Variants in PDIA6 observed in about 807,000 individuals in gnomAD.
PDIA6 encodes protein disulfide isomerase family A member 6.
PDIA6 carries 29 observed loss-of-function variants against 58.4 expected under a neutral mutation model. That is an observed-to-expected ratio of 0.50 (90% CI 0.37 to 0.68). The LOEUF is 0.68. Among genes scored for constraint, PDIA6 ranks in the 30% least tolerant of loss-of-function variants. The pLI, the probability that PDIA6 is intolerant of heterozygous loss-of-function variation, is 0.00. For missense variants in PDIA6, 480 were observed against 551.0 expected, an observed-to-expected ratio of 0.87 and a Z score of 1.29; for synonymous variants, 192 against 202.6, an observed-to-expected ratio of 0.95 and a Z score of 0.44.
chr2:10,830,708 A>AGACT (rs1667685914), intron 1 of PDIA6, among the ~76,000 whole-genome samples: 1 of 152,246 alleles, frequency 6.6e-6, no homozygotes, highest in African/African-American at 2.4e-5. Flanking sequence ...ATGTGGCCTC[A>AGACT]GACTTAGAGC....
intron 4 of PDIA6, among the ~76,000 whole-genome samples, chr2:10,794,879 A>C (rs1377186133): frequency 6.6e-6 from 1 of 152,186 alleles, no homozygotes; most frequent in East Asian, 1.9e-4. Flanking sequence ...GTGAGCCGAG[A>C]TAGCACCACT....
chr2:10,809,553 C>T (rs1487731367), intron 1 of PDIA6, among the ~76,000 whole-genome samples: 2 of 139,208 alleles, frequency 1.4e-5, no homozygotes, highest in Admixed American at 7.9e-5. Flanking sequence ...AAAATTAGCT[C>T]GGTATGGTAG....
At chr2:10,837,260 G>A (rs902713674), upstream of PDIA6, among the ~76,000 whole-genome samples, 5 of 152,206 alleles carry the variant, frequency 3.3e-5, no homozygotes, top group African/African-American at 1.2e-4. Context: ...AGCCCAGCAG[G>A]GAGGGGCTGA....
Position 10,820,938 on chromosome 2 carries a change from A to G in PDIA6, c.-47-1584T>C, listed in dbSNP as rs144245477. The stretch of plus-strand genomic sequence containing the variant: ...AGCGTCCTAAGAGTCAGGAAGAGGA[A>G]GCTGCCACTTCAGGACCTGGGTTTG... On this transcript the variant is annotated intron_variant, in intron 1 of 13. Transcript: ENST00000381611. The G allele has an allele frequency of 9.0e-4, 623 of 690,484 alleles. 4 individuals are homozygous for G. The African/African-American group carries it at 0.01, about 11-fold the overall frequency. The allele number at this position is 690,484 out of a possible 1,614,324, so 42.8% of individuals were successfully genotyped here.
At chr2:10,797,348 C>A in intron 3 of PDIA6, 141 bp from the exon 4 acceptor site, 1 of 729,952 alleles carries the variant, frequency 1.4e-6, no homozygotes, top group East Asian at 2.7e-5. Flanking sequence ...AGGGCTTTAG[C>A]CTTGAACACC....
chr2:10,831,870 C>A (rs913356280), intron 1 of PDIA6, among the ~76,000 whole-genome samples: 1 of 151,946 alleles, frequency 6.6e-6, no homozygotes, highest in Non-Finnish European at 1.5e-5. Context: ...TGAATGTCCT[C>A]TCCTTCCTCT....
At chr2:10,815,085 GGGAAATGCACAGGCTTCT>G (rs147530276), upstream of PDIA6, among the ~76,000 whole-genome samples, 71,265 of 147,992 alleles carry the variant, frequency 0.48, 19,129 homozygotes, top group East Asian at 0.78. Flanking sequence ...CACAGGCTTC[GGGAAATGCACAGGCTTCT>G]GGAAATGCAC....
intron 1 of PDIA6, among the ~76,000 whole-genome samples, chr2:10,827,629 G>T (rs1411233669): frequency 1.3e-5 from 2 of 151,844 alleles, no homozygotes; most frequent in Admixed American, 1.3e-4. Context: ...TTCAAGACCA[G>T]CCTGGCCAAC....
chr2:10,835,767 G>A (rs188402238), upstream of PDIA6, among the ~76,000 whole-genome samples: 344 of 152,240 alleles, frequency 2.3e-3, 3 homozygotes, highest in African/African-American at 7.9e-3. Flanking sequence ...TACTTAGAGA[G>A]GGGGCCGGGC....
At chr2:10,789,635 C>T (rs1357346824) in intron 8 of PDIA6, 114 bp downstream of exon 8, 4 of 963,118 alleles carry the variant, frequency 4.2e-6, no homozygotes, top group Non-Finnish European at 6.2e-6. Flanking sequence ...ATAGAAACCA[C>T]TTTAAAGAGA....
upstream of PDIA6, among the ~76,000 whole-genome samples, chr2:10,834,091 T>C (rs1026689360): frequency 1.5e-4 from 23 of 152,366 alleles, no homozygotes; most frequent in African/African-American, 4.6e-4. Context: ...TGTTGCAAAG[T>C]CCCAACAGCT....
In PDIA6 at chr2:10,801,327, A is replaced by C. The variant is rs1666503877; in HGVS notation, c.161+1172T>G. Among the ~76,000 whole-genome samples, 3 of 152,160 alleles carry C rather than the reference A, an allele frequency of 2.0e-5. 1 individual carries two copies. In the South Asian group the frequency reaches 6.2e-4, roughly 32 times the overall value. On this transcript the variant is annotated intron_variant, in intron 2 of 12. Coordinates refer to ENST00000272227, the MANE Select transcript of PDIA6 (RefSeq NM_005742.4). Reference sequence around the variant, plus strand: ...ACATTCAGTCACCCAAACACCACAAAGTAAAACTCTGCCAGTGTAATAATG... The same window carrying C: ...ACATTCAGTCACCCAAACACCACAACGTAAAACTCTGCCAGTGTAATAATG...
intron 1 of PDIA6, among the ~76,000 whole-genome samples, chr2:10,825,698 A>T (rs939655770): frequency 2.2e-4 from 33 of 152,356 alleles, no homozygotes; most frequent in African/African-American, 7.2e-4. Flanking sequence ...AGGAAGACAT[A>T]GAAACGGCCA....
chr2:10,818,734 G>A (rs1037866395), intron 2 of PDIA6, among the ~76,000 whole-genome samples: 1 of 151,210 alleles, frequency 6.6e-6, no homozygotes, highest in African/African-American at 2.4e-5. Flanking sequence ...TGTTGGTCAG[G>A]CTGGTCTCAA....
chr2:10,819,966 T>A (rs147999480), intron 1 of PDIA6, among the ~76,000 whole-genome samples: 1 of 152,160 alleles, frequency 6.6e-6, no homozygotes, highest in East Asian at 1.9e-4. Flanking sequence ...GGGGCCACCA[T>A]GTGTTGTGTT....
intron 2 of PDIA6, among the ~76,000 whole-genome samples, chr2:10,801,422 C>T (rs1666506995): frequency 6.6e-6 from 1 of 152,180 alleles, no homozygotes; most frequent in Non-Finnish European, 1.5e-5. Context: ...TGTATGGTCG[C>T]TCTCAGAAAC....
intron 1 of PDIA6, among the ~76,000 whole-genome samples, chr2:10,827,170 T>C (rs13420117): frequency 0.017 from 2,632 of 152,162 alleles, 90 homozygotes; most frequent in African/African-American, 0.061. Context: ...TTTAAGCAAT[T>C]TCCTGCCTCA....
chr2:10,809,615 G>GAGCC, intron 1 of PDIA6, among the ~76,000 whole-genome samples: 1 of 124,098 alleles, frequency 8.1e-6, no homozygotes. Flanking sequence ...AGGATTGCTT[G>GAGCC]AGCCTGGGAG....
At chr2:10,795,179 T>C (rs1357359951) in intron 4 of PDIA6, among the ~76,000 whole-genome samples, 2 of 152,164 alleles carry the variant, frequency 1.3e-5, no homozygotes, top group African/African-American at 4.8e-5. Flanking sequence ...GGAAAAAAAC[T>C]TTTCAGCGTT....
Sources: allele counts gnomAD v4.1 joint callset (sites outside exome capture counted in the v4.1 genomes callset), GRCh38; gene constraint gnomAD v4.1.1; transcripts MANE v1.5; gene names NCBI Gene and HGNC (gene_info 2026-07-23, HGNC 2026-07-21).